The following PLXDC1 variants were observed in gnomAD, a reference collection of about 807,000 sequenced individuals.
PLXDC1 encodes the protein plexin domain containing 1, also known as plexin domain-containing protein 1.
PLXDC1 carries 39 observed loss-of-function variants against 61.3 expected under a neutral mutation model. That is an observed-to-expected ratio of 0.64 (90% CI 0.49 to 0.83). The LOEUF (loss-of-function observed/expected upper bound fraction) is 0.83. Ranked by LOEUF, PLXDC1 falls within the 40% of genes least tolerant of loss-of-function variation. The probability of loss-of-function intolerance (pLI) is 0.00; values close to 1 mark genes in which losing one functional copy is unlikely to be tolerated. For synonymous variants in PLXDC1, 212 were observed against 254.5 expected, an observed-to-expected ratio of 0.83 and a Z score of 1.59; for missense variants, 596 against 666.5, an observed-to-expected ratio of 0.89 and a Z score of 1.17.
At chr17:39,107,975 A>G in intron 5 of PLXDC1, 148 bp downstream of exon 5, 1 of 964,320 alleles carries the variant, frequency 1.0e-6, no homozygotes, top group Non-Finnish European at 1.6e-6. Flanking sequence ...CCTATCTGAC[A>G]GGTCAGGAAA....
intron 2 of PLXDC1, among the ~76,000 whole-genome samples, chr17:39,122,121 G>A (rs557325522): frequency 1.4e-5 from 2 of 145,652 alleles, no homozygotes; most frequent in Non-Finnish European, 3.0e-5. Flanking sequence ...AGGGGGGGGG[G>A]ACTGGGTGCA....
chr17:39,142,075 C>G (rs1394283953), intron 1 of PLXDC1, among the ~76,000 whole-genome samples: 2 of 152,172 alleles, frequency 1.3e-5, no homozygotes, highest in East Asian at 3.8e-4. Flanking sequence ...TTAGCAGCCG[C>G]AGCCTTGGCC....
chr17:39,118,162 C>CTCTT (rs902852437), intron 2 of PLXDC1, among the ~76,000 whole-genome samples: 1 of 122,244 alleles, frequency 8.2e-6, no homozygotes, highest in Non-Finnish European at 1.8e-5. Context: ...TCCTTCCTTT[C>CTCTT]TCTTTCTTTC....
intron 7 of PLXDC1, among the ~76,000 whole-genome samples, chr17:39,090,329 A>G (rs887498982): frequency 6.9e-6 from 1 of 144,416 alleles, no homozygotes; most frequent in African/African-American, 2.5e-5. Context: ...GCTGAGCAGC[A>G]TCTACATCCC....
At chr17:39,103,089 C>T (rs1910480982) in intron 7 of PLXDC1, among the ~76,000 whole-genome samples, 1 of 152,090 alleles carries the variant, frequency 6.6e-6, no homozygotes, top group South Asian at 2.1e-4. Flanking sequence ...GTGGCAGGTG[C>T]CTCTAGTCCC....
intron 1 of PLXDC1, among the ~76,000 whole-genome samples, chr17:39,147,608 G>A (rs1387155896): frequency 2.0e-5 from 3 of 151,242 alleles, no homozygotes; most frequent in South Asian, 2.1e-4. Flanking sequence ...CACCTGGGGA[G>A]AGGGAAGGAG....
At chr17:39,105,650 T>C (rs1248778141) in intron 7 of PLXDC1, among the ~76,000 whole-genome samples, 1 of 152,186 alleles carries the variant, frequency 6.6e-6, no homozygotes, top group Non-Finnish European at 1.5e-5. Flanking sequence ...GTGCCTCCCA[T>C]TGGAGATTTT....
rs569762094 is a variant in PLXDC1 at position 39,147,967 on chromosome 17, A to G, written c.76+3395T>C. 2.6e-5 allele frequency among the ~76,000 whole-genome samples: 4 copies of G among 152,300 alleles called. No homozygotes were observed. In the East Asian group the frequency reaches 7.7e-4, roughly 29 times the overall value. On this transcript the variant is annotated intron_variant, in intron 1 of 13. Coordinates refer to ENST00000315392, the MANE Select transcript of PLXDC1 (RefSeq NM_020405.5). Reference sequence around the variant, plus strand: ...AAAGGGTTGGGGTTGTTGCTACTCTACACAGAGCCATGAGGTGGGGCTCTC... The same window carrying G: ...AAAGGGTTGGGGTTGTTGCTACTCTGCACAGAGCCATGAGGTGGGGCTCTC...
At chr17:39,129,546 G>T (rs966491304) in intron 2 of PLXDC1, among the ~76,000 whole-genome samples, 8 of 151,560 alleles carry the variant, frequency 5.3e-5, no homozygotes, top group African/African-American at 1.9e-4. Flanking sequence ...GAACCCGGGA[G>T]GCGGAGGTTG....
rs796876588 is a variant in PLXDC1, at chr17:39,088,720, C to A, written c.812-1018G>T. 1.0e-3 allele frequency among the ~76,000 whole-genome samples: 157 copies of A among 152,112 alleles called. 1 individual carries two copies. The highest frequency in any genetic ancestry group is 3.6e-3 in the African/African-American group (148 of 41,490). ...CTTTGGGAGGCCGAGGCAGGTGGATCACTTGAGGTCAGGAGTTCGAGACCA... is the reference window on the plus strand; with the variant it reads ...CTTTGGGAGGCCGAGGCAGGTGGATAACTTGAGGTCAGGAGTTCGAGACCA... On this transcript the variant is annotated intron_variant, in intron 7 of 13. Transcript: ENST00000315392.
chr17:39,110,497 CAG>C (rs1262499870), intron 2 of PLXDC1, among the ~76,000 whole-genome samples: 1 of 152,206 alleles, frequency 6.6e-6, no homozygotes, highest in African/African-American at 2.4e-5. Flanking sequence ...ACTTAAGAGC[CAG>C]AGAGGGGCGA....
At chr17:39,093,326 A>G (rs1017984425) in intron 7 of PLXDC1, among the ~76,000 whole-genome samples, 21 of 152,048 alleles carry the variant, frequency 1.4e-4, no homozygotes, top group Non-Finnish European at 4.4e-5. Context: ...CCCGCCTCCA[A>G]TTCCCAAAGT....
At chr17:39,119,223 A>T (rs1911082370) in intron 2 of PLXDC1, among the ~76,000 whole-genome samples, 1 of 152,114 alleles carries the variant, frequency 6.6e-6, no homozygotes, top group Admixed American at 6.5e-5. Context: ...AAAGGACCTT[A>T]AATAGAATAG....
Position 39,105,870 on chromosome 17 carries a change from T to C in PLXDC1, c.795A>G (p.Pro265=). 6.2e-7 allele frequency: 1 copy of C among 1,613,044 alleles called. No homozygotes were observed. The highest frequency in any genetic ancestry group is 8.5e-7 in the Non-Finnish European group (1 of 1,179,086). The change falls in exon 7 of 14, where the codon CCA becomes CCG. Residue 265 remains proline (P), a synonymous_variant. Transcript: ENST00000315392. ...AAGACTCACCTGGCACATCCGGGGA[T>C]GGATTGAGAATCATGAAGGCATCCG... ...GLSDAFMILN[P]SPDVPESRRR... is the part of the protein sequence containing the mutation.
chr17:39,106,567 C>T (rs758340979), intron 6 of PLXDC1, among the ~76,000 whole-genome samples: 12 of 151,894 alleles, frequency 7.9e-5, no homozygotes, highest in Non-Finnish European at 1.8e-4. Context: ...GCAATCTTCC[C>T]GCCTCAGTCT....
chr17:39,141,971 C>T (rs1911949239), intron 1 of PLXDC1, among the ~76,000 whole-genome samples: 2 of 152,230 alleles, frequency 1.3e-5, no homozygotes, highest in East Asian at 1.9e-4. Flanking sequence ...GGAGAAATGT[C>T]TATTTAAGTC....
chr17:39,118,776 T>C (rs1911071268), intron 2 of PLXDC1, among the ~76,000 whole-genome samples: 1 of 152,168 alleles, frequency 6.6e-6, no homozygotes, highest in African/African-American at 2.4e-5. Flanking sequence ...ATTGGAAGCC[T>C]ACAATCTACA....
chr17:39,102,676 C>T (rs962243205), intron 7 of PLXDC1, among the ~76,000 whole-genome samples: 11 of 151,126 alleles, frequency 7.3e-5, no homozygotes, highest in Non-Finnish European at 1.5e-4. Context: ...TGTTCAAGTG[C>T]AGAAACACTG....
At chr17:39,101,758 A>G (rs1199078669) in intron 7 of PLXDC1, among the ~76,000 whole-genome samples, 1 of 152,150 alleles carries the variant, frequency 6.6e-6, no homozygotes, top group African/African-American at 2.4e-5. Flanking sequence ...AAACTTGACC[A>G]CAAAACTCCT....
Sources: allele counts gnomAD v4.1 joint callset (sites outside exome capture counted in the v4.1 genomes callset), GRCh38; gene constraint gnomAD v4.1.1; transcripts MANE v1.5; gene names NCBI Gene and HGNC (gene_info 2026-07-23, HGNC 2026-07-21).